The following BTBD10 variants were observed in gnomAD, a reference collection of about 807,000 sequenced individuals.
The protein encoded by BTBD10 is BTB/POZ domain-containing protein 10.
In BTBD10, 21 loss-of-function variants were observed where a neutral mutation model predicts 53.2. That is an observed-to-expected ratio of 0.39 (90% CI 0.28 to 0.57). BTBD10 has a LOEUF of 0.57. Among genes scored for constraint, BTBD10 ranks in the 20% least tolerant of loss-of-function variants. The probability of loss-of-function intolerance (pLI) is 0.53; values close to 1 mark genes in which losing one functional copy is unlikely to be tolerated. For synonymous variants in BTBD10, 149 were observed against 192.7 expected (o/e 0.77, Z 1.88); for missense variants, 360 against 594.7 (o/e 0.61, Z 4.10).
At chr11:13,440,223 C>A in intron 2 of BTBD10, 1 of 1,330,346 alleles carries the variant, frequency 7.5e-7, no homozygotes, top group Non-Finnish European at 9.7e-7. Context: ...TTCTCACAGA[C>A]ACTGACTCAG....
chr11:13,431,016 T>TATAC (rs1223318015), intron 2 of BTBD10, among the ~76,000 whole-genome samples: 1 of 136,456 alleles, frequency 7.3e-6, no homozygotes, highest in African/African-American at 2.6e-5. Context: ...TATATATATA[T>TATAC]AGCAAATTGT....
chr11:13,403,074 A>G (rs1356098840), intron 8 of BTBD10, 94 bp downstream of exon 8: 4 of 799,358 alleles, frequency 5.0e-6, no homozygotes, highest in East Asian at 5.9e-5. Flanking sequence ...AGTTTTTCTC[A>G]AAGTATTCCA....
At chr11:13,400,001 C>T (rs979287996) in intron 8 of BTBD10, among the ~76,000 whole-genome samples, 6 of 152,202 alleles carry the variant, frequency 3.9e-5, no homozygotes, top group African/African-American at 1.4e-4. Flanking sequence ...CTCAGGGACC[C>T]ACTTCAGGAG....
At chr11:13,406,391 T>G (rs913035395) in intron 6 of BTBD10, among the ~76,000 whole-genome samples, 1 of 152,150 alleles carries the variant, frequency 6.6e-6, no homozygotes, top group African/African-American at 2.4e-5. Context: ...AACTTCAATT[T>G]CCTAAATGCA....
At chr11:13,419,291 A>G (rs1026836195) in intron 4 of BTBD10, among the ~76,000 whole-genome samples, 169 bp downstream of exon 4, 1 of 152,154 alleles carries the variant, frequency 6.6e-6, no homozygotes, top group Non-Finnish European at 1.5e-5. Flanking sequence ...TCACTTTCTA[A>G]GCTGTATTAA....
intron 8 of BTBD10, among the ~76,000 whole-genome samples, chr11:13,398,727 G>A (rs1015764158): frequency 2.0e-5 from 3 of 152,058 alleles, no homozygotes; most frequent in East Asian, 3.9e-4. Flanking sequence ...AGCTCTTGTA[G>A]GGCAGGCCTG....
At chr11:13,395,814 G>C (rs1949533887) in intron 8 of BTBD10, among the ~76,000 whole-genome samples, 1 of 152,134 alleles carries the variant, frequency 6.6e-6, no homozygotes. Flanking sequence ...GCCATTGCTT[G>C]TTTTTGTCAG....
chr11:13,407,367 T>C (rs1303145728), intron 6 of BTBD10, among the ~76,000 whole-genome samples: 1 of 152,224 alleles, frequency 6.6e-6, no homozygotes, highest in Non-Finnish European at 1.5e-5. Context: ...CACTTGGATG[T>C]AACTTCAGAG....
chr11:13,396,417 T>C (rs1357575329), intron 8 of BTBD10, among the ~76,000 whole-genome samples: 1 of 152,260 alleles, frequency 6.6e-6, no homozygotes, highest in Non-Finnish European at 1.5e-5. Flanking sequence ...CTGAAGTTGC[T>C]TATCAGCTTA....
intron 1 of BTBD10, among the ~76,000 whole-genome samples, chr11:13,460,741 C>T (rs1356196205): frequency 6.6e-6 from 1 of 152,146 alleles, no homozygotes; most frequent in Non-Finnish European, 1.5e-5. Flanking sequence ...GAATAAAATC[C>T]AAGGGATCAG....
chr11:13,417,319 T>G (rs1208163332), intron 4 of BTBD10, 59 bp from the exon 5 acceptor site: 59 of 1,241,648 alleles, frequency 4.8e-5, no homozygotes, highest in Non-Finnish European at 6.5e-5. Flanking sequence ...AAAGGGAAAA[T>G]AGATTTCATG....
At chr11:13,406,356 C>T (rs1221836397) in intron 6 of BTBD10, among the ~76,000 whole-genome samples, 1 of 152,140 alleles carries the variant, frequency 6.6e-6, no homozygotes, top group Non-Finnish European at 1.5e-5. Context: ...AGACTTCAAC[C>T]TCCTTAAGCA....
intron 2 of BTBD10, among the ~76,000 whole-genome samples, chr11:13,437,858 C>T (rs1950572062): frequency 6.6e-6 from 1 of 152,136 alleles, no homozygotes; most frequent in Non-Finnish European, 1.5e-5. Context: ...TCTCAGAAAA[C>T]CTTCAAAGAT....
Position 13,388,756 on chromosome 11 carries a change from C to A in BTBD10, c.*75G>T. On this transcript the variant is annotated 3_prime_UTR_variant, in exon 9 of 9. Coordinates refer to ENST00000278174, the MANE Select transcript of BTBD10 (RefSeq NM_032320.7). The stretch of plus-strand genomic sequence containing the variant: ...TGCATCTCACAATGAAGAAGAGTGG[C>A]CTTGCAGTGCAGAATGAGGAGAGTA... 1 of 1,431,502 alleles carries A rather than the reference C, an allele frequency of 7.0e-7. No individual in the cohort carries two copies. Among genetic ancestry groups the A allele is most frequent in the Non-Finnish European group, 9.6e-7 (1 of 1,046,924 alleles). The allele number at this position is 1,431,502 out of a possible 1,614,324, so 88.7% of individuals were successfully genotyped here.
At chr11:13,445,993 C>T (rs1437330226) in intron 1 of BTBD10, among the ~76,000 whole-genome samples, 1 of 152,118 alleles carries the variant, frequency 6.6e-6, no homozygotes, top group Admixed American at 6.6e-5. Flanking sequence ...TGCCAAAGAT[C>T]ACAATGCTGC....
intron 1 of BTBD10, among the ~76,000 whole-genome samples, chr11:13,454,832 T>A (rs574046806): frequency 6.6e-6 from 1 of 152,304 alleles, no homozygotes; most frequent in Non-Finnish European, 1.5e-5. Flanking sequence ...CTAGGGAGAC[T>A]CTAACAAACA....
chr11:13,430,918 T>C (rs1950434716), intron 2 of BTBD10, among the ~76,000 whole-genome samples: 1 of 151,482 alleles, frequency 6.6e-6, no homozygotes, highest in South Asian at 2.1e-4. Flanking sequence ...AAGAAGCTTT[T>C]GAGTGTGATG....
chr11:13,449,128 G>A (rs1191401657), intron 1 of BTBD10, among the ~76,000 whole-genome samples: 3 of 152,064 alleles, frequency 2.0e-5, no homozygotes, highest in East Asian at 3.9e-4. Flanking sequence ...GTGGGGGTTG[G>A]GGGATAGGCA....
intron 2 of BTBD10, among the ~76,000 whole-genome samples, chr11:13,437,413 A>G (rs1950564418): frequency 6.6e-6 from 1 of 152,236 alleles, no homozygotes. Context: ...ATCTAAACTT[A>G]GTACAACAAC....
Sources: gnomAD v4.1 joint callset for allele counts (sites outside exome capture counted in the v4.1 genomes callset) on GRCh38, gnomAD v4.1.1 for gene constraint, MANE v1.5 for transcripts, NCBI Gene and HGNC (gene_info 2026-07-23, HGNC 2026-07-21) for gene names.